ABCA13: variants seen among roughly 807,000 people sequenced by gnomAD.
ABCA13 encodes ATP-binding cassette sub-family A member 13.
ABCA13 carries 476 observed loss-of-function variants against 478.7 expected under a neutral mutation model. The ratio of observed to expected loss-of-function variants is 0.99; its 90% CI spans 0.92 to 1.07. ABCA13 has a LOEUF of 1.07. ABCA13 is among the 50% of genes least tolerant of loss of function. The pLI, the probability that ABCA13 is intolerant of heterozygous loss-of-function variation, is 0.00. For missense variants in ABCA13, 6,060 were observed against 5,910.6 expected (o/e 1.03, Z -0.83); for synonymous variants, 2,252 against 2,158.9 (o/e 1.04, Z -1.20).
At chr7:48,294,009 A>G (rs1377995558) in intron 20 of ABCA13, among the ~76,000 whole-genome samples, 1 of 152,234 alleles carries the variant, frequency 6.6e-6, no homozygotes, top group Admixed American at 6.5e-5. Context: ...AGGAATAGCC[A>G]CATATGATTT....
At chr7:48,582,553 A>G (rs917895428) in intron 56 of ABCA13, among the ~76,000 whole-genome samples, 19 of 152,100 alleles carry the variant, frequency 1.2e-4, no homozygotes, top group African/African-American at 4.6e-4. Context: ...TCATTGTAAC[A>G]TGGAGAGCCA....
At chr7:48,622,433 C>T (rs1286137363) in intron 59 of ABCA13, among the ~76,000 whole-genome samples, 1 of 152,092 alleles carries the variant, frequency 6.6e-6, no homozygotes, top group Non-Finnish European at 1.5e-5. Context: ...CTGGAAAATT[C>T]TCTTCTCCCC....
chr7:48,384,924 A>G (rs1814951027), intron 35 of ABCA13, among the ~76,000 whole-genome samples: 1 of 152,142 alleles, frequency 6.6e-6, no homozygotes, highest in Non-Finnish European at 1.5e-5. Context: ...TTCTTTTATG[A>G]GGACACCACT....
intron 42 of ABCA13, among the ~76,000 whole-genome samples, chr7:48,441,622 CAG>C (rs1434336206): frequency 6.6e-6 from 1 of 152,194 alleles, no homozygotes; most frequent in Non-Finnish European, 1.5e-5. Context: ...CTCTGCACCG[CAG>C]AGTGTGGAAG....
At chr7:48,468,023 G>T (rs1311889795) in intron 44 of ABCA13, among the ~76,000 whole-genome samples, 1 of 152,006 alleles carries the variant, frequency 6.6e-6, no homozygotes, top group Non-Finnish European at 1.5e-5. Context: ...GAATACACAG[G>T]GTGTAAAATA....
At chr7:48,489,149 C>T (rs1033821926) in intron 47 of ABCA13, 87 bp from the exon 48 acceptor site, 15 of 1,096,758 alleles carry the variant, frequency 1.4e-5, no homozygotes, top group Non-Finnish European at 1.9e-5. Context: ...TTAATTGACA[C>T]ATACGTTCCT....
rs146153598 is a variant in ABCA13, at chr7:48,523,824, A to G, written c.14052-424A>G. On this transcript the variant is annotated intron_variant, in intron 53 of 61. Coordinates refer to ENST00000435803, the MANE Select transcript of ABCA13 (RefSeq NM_152701.5). ...ATAATCCTTTTATGCGATTCAACAT[A>G]TACTATAAACTTACAATGTTTCAGT... Among the ~76,000 whole-genome samples the G allele has an allele frequency of 6.2e-3, 941 of 152,298 alleles. 10 individuals carry two copies. Among genetic ancestry groups the G allele is most frequent in the African/African-American group, 0.022 (898 of 41,562 alleles).
At position 48,193,059 on chromosome 7, in the gene ABCA13, T is replaced by G. The variant is rs745929108; in HGVS notation, c.163+7T>G. 7.2e-5 allele frequency: 109 copies of G among 1,522,040 alleles called. No homozygotes were observed. In the Middle Eastern group the frequency reaches 2.4e-3, roughly 33 times the overall value. The allele number at this position is 1,522,040 out of a possible 1,614,324, so 94.3% of individuals were successfully genotyped here. On this transcript the variant is annotated splice_region_variant and intron_variant, in intron 2 of 61. Coordinates refer to ENST00000435803, the MANE Select transcript of ABCA13 (RefSeq NM_152701.5). ...CCCAGATACAGAGACATTTGTAAGTTTCACTTTTTAATATACTTTTTGAAT... is the reference window on the plus strand; with the variant it reads ...CCCAGATACAGAGACATTTGTAAGTGTCACTTTTTAATATACTTTTTGAAT...
Position 48,198,235 on chromosome 7 carries a change from AG to A in ABCA13, c.164del, listed in dbSNP as rs772305434. 1.3e-6 allele frequency: 2 copies of A among 1,582,632 alleles called. No homozygotes were observed. The highest frequency in any genetic ancestry group is 2.9e-5 in the African/African-American group (2 of 70,054). On this transcript the variant is annotated splice_acceptor_variant, in intron 2 of 61. Transcript: ENST00000435803. LOFTEE classifies it high-confidence loss of function. ...TCATTTCTTCTTTGCATCTATTTCT[AG>A]GTTATTTGCAGCCCCGAGATCTACC... is the stretch of plus-strand genomic sequence containing the variant.
intron 5 of ABCA13, among the ~76,000 whole-genome samples, chr7:48,224,224 T>C (rs1044201500): frequency 7.9e-5 from 12 of 152,164 alleles, no homozygotes; most frequent in Admixed American, 2.0e-4. Flanking sequence ...TTGCTTTCTG[T>C]TCTTCCCCGA....
intron 51 of ABCA13, among the ~76,000 whole-genome samples, chr7:48,513,804 C>T (rs1294042510): frequency 1.3e-5 from 2 of 151,898 alleles, no homozygotes; most frequent in Non-Finnish European, 2.9e-5. Flanking sequence ...GCTGCTAATA[C>T]GTTAATTTGA....
At chr7:48,397,559 A>G (rs1206313889) in intron 38 of ABCA13, among the ~76,000 whole-genome samples, 1 of 152,174 alleles carries the variant, frequency 6.6e-6, no homozygotes, top group East Asian at 1.9e-4. Context: ...AACCATGCTC[A>G]CATTACCCCT....
At chr7:48,521,117 G>T (rs1046447910) in intron 53 of ABCA13, among the ~76,000 whole-genome samples, 6 of 152,180 alleles carry the variant, frequency 3.9e-5, no homozygotes, top group African/African-American at 1.4e-4. Flanking sequence ...GGCCTTGAAA[G>T]GATATCTGAA....
intron 34 of ABCA13, among the ~76,000 whole-genome samples, chr7:48,375,615 T>TTG (rs1563147871): frequency 6.6e-6 from 1 of 150,414 alleles, no homozygotes; most frequent in East Asian, 1.9e-4. Context: ...TGGTTTTTTT[T>TTG]GGGGGGGGGT....
Position 48,374,353 on chromosome 7 carries a change from CT to C in ABCA13, c.11143del (p.Ser3715ArgfsTer36). On this transcript the variant is annotated frameshift_variant, in exon 34 of 62. Transcript: ENST00000435803. LOFTEE classifies it high-confidence loss of function. ...SFVNQTFLCL[L>X]STTAFGQGVF... ...TCCATCAATCTGTGGGCAGTGCCTT[CT>C]TTCGACAACCGCCTTTGGACAAGGG... is the stretch of plus-strand genomic sequence containing the variant. 6.2e-7 allele frequency: 1 copy of C among 1,609,166 alleles called. No individual in the cohort carries two copies. The highest frequency in any genetic ancestry group is 8.5e-7 in the Non-Finnish European group (1 of 1,178,104).
intron 59 of ABCA13, among the ~76,000 whole-genome samples, chr7:48,637,797 T>C (rs986484438): frequency 6.6e-6 from 1 of 152,234 alleles, no homozygotes; most frequent in Non-Finnish European, 1.5e-5. Flanking sequence ...ACAATAGATA[T>C]GCATTTTGCT....
At chr7:48,429,214 C>CA (rs1821816712) in intron 42 of ABCA13, among the ~76,000 whole-genome samples, 1 of 152,136 alleles carries the variant, frequency 6.6e-6, no homozygotes, top group South Asian at 2.1e-4. Flanking sequence ...GGGTTGTTTC[C>CA]AGTTTTTTAC....
At chr7:48,315,483 CTT>C (rs774939239) in intron 26 of ABCA13, among the ~76,000 whole-genome samples, 8 of 143,504 alleles carry the variant, frequency 5.6e-5, no homozygotes, top group Admixed American at 7.0e-5. Context: ...TAGTCATATT[CTT>C]TTTTTTTTTT....
chr7:48,452,884 T>C (rs1247638491), intron 42 of ABCA13, among the ~76,000 whole-genome samples: 3 of 152,216 alleles, frequency 2.0e-5, no homozygotes, highest in Non-Finnish European at 2.9e-5. Context: ...TTATTTTAGC[T>C]TGAGTTAGAG....
Sources: allele counts gnomAD v4.1 joint callset (sites outside exome capture counted in the v4.1 genomes callset), GRCh38; gene constraint gnomAD v4.1.1; transcripts MANE v1.5; gene names NCBI Gene and HGNC (gene_info 2026-07-23, HGNC 2026-07-21).